TACO1: variants seen among roughly 807,000 people sequenced by gnomAD.
TACO1 encodes translational activator of cytochrome c oxidase I.
A neutral mutation model predicts 24.0 loss-of-function variants in TACO1; 13 were observed. The ratio of observed to expected loss-of-function variants is 0.54; its 90% CI spans 0.35 to 0.86. The LOEUF (loss-of-function observed/expected upper bound fraction) is 0.86, where lower values mean the gene tolerates loss of function less well. Among genes scored for constraint, TACO1 ranks in the 40% least tolerant of loss-of-function variants. The pLI is 0.01. For missense variants in TACO1, 352 were observed against 380.1 expected, an observed-to-expected ratio of 0.93 and a Z score of 0.61; for synonymous variants, 149 against 153.5, an observed-to-expected ratio of 0.97 and a Z score of 0.22.
rs199894582 is a variant in TACO1 at position 63,607,409 on chromosome 17, C to A, written c.638C>A (p.Ala213Glu). Residue 213 changes from alanine to glutamate, a missense_variant, in exon 4 of 5, where the codon GCA becomes GAA. Ala to Glu is a moderately radical substitution (Grantham distance 107). Transcript: ENST00000258975. Reference protein sequence around the residue: ...LERALEMAIEAGAEDVKETED... With the variant: ...LERALEMAIEEGAEDVKETED... Reference sequence around the variant, plus strand: ...CGTGCCCTGGAGATGGCAATCGAAGCAGGAGCTGAGGATGTCAAGGAAACT... The same window carrying A: ...CGTGCCCTGGAGATGGCAATCGAAGAAGGAGCTGAGGATGTCAAGGAAACT... 3 of 1,614,154 alleles carry A rather than the reference C, an allele frequency of 1.9e-6. No individual in the cohort carries two copies. The highest frequency in any genetic ancestry group is 2.5e-6 in the Non-Finnish European group (3 of 1,180,038).
At chr17:63,607,578 C>A in intron 4 of TACO1, 114 bp downstream of exon 4, 2 of 1,145,234 alleles carry the variant, frequency 1.7e-6, no homozygotes, top group Non-Finnish European at 1.3e-6. Flanking sequence ...TGAGACAGTT[C>A]ACATATTGTA....
intron 3 of TACO1, chr17:63,606,774 C>T: frequency 2.6e-6 from 1 of 379,278 alleles, no homozygotes. Flanking sequence ...GTCTCGAACT[C>T]CTGATCTCAG....
At chr17:63,605,752 A>G (rs2033857650) in intron 2 of TACO1, among the ~76,000 whole-genome samples, 1 of 152,164 alleles carries the variant, frequency 6.6e-6, no homozygotes. Context: ...ATTCCTGGAA[A>G]GTTGCAGGAC....
intron 4 of TACO1, 59 bp from the exon 5 acceptor site, chr17:63,607,743 G>A (rs1439408724): frequency 2.0e-6 from 3 of 1,508,798 alleles, no homozygotes; most frequent in African/African-American, 1.4e-5. Flanking sequence ...GCAAGGTCCT[G>A]TGTGGCTTTG....
intron 1 of TACO1, 41 bp downstream of exon 1, chr17:63,601,404 C>G (rs749201030): frequency 6.2e-7 from 1 of 1,603,960 alleles, no homozygotes. Flanking sequence ...TGCCGCTGCC[C>G]TCTCAGTGCC....
At chr17:63,607,571 G>C in intron 4 of TACO1, 107 bp downstream of exon 4, 1 of 1,193,306 alleles carries the variant, frequency 8.4e-7, no homozygotes, top group Non-Finnish European at 1.2e-6. Flanking sequence ...GTATAGGTGA[G>C]ACAGTTCACA....
In TACO1 at chr17:63,600,896, G is replaced by A; in HGVS notation, c.-188G>A. 2 of 619,236 alleles carry A rather than the reference G, an allele frequency of 3.2e-6. No homozygotes were observed. Among genetic ancestry groups the A allele is most frequent in the East Asian group, 2.9e-5 (1 of 34,010 alleles). The allele number at this position is 619,236 out of a possible 1,614,324, so 38.4% of individuals were successfully genotyped here. A position where few individuals can be genotyped will look rare whatever the true frequency, so the allele number is the denominator to read the frequency against. ...TGTGCTACGCCATCAAGGGCCCCCA[G>A]TCCCGGGTGCCGCGGGGACAGTGTA... On this transcript the variant is annotated 5_prime_UTR_variant, in exon 1 of 5. Transcript: ENST00000258975.
rs2033877775 is a variant in TACO1 at position 63,608,067 on chromosome 17, T to G, written c.*65T>G. 6.4e-7 allele frequency: 1 copy of G among 1,562,500 alleles called. No homozygotes were observed. The highest frequency in any genetic ancestry group is 1.1e-5 in the South Asian group (1 of 89,052). On this transcript the variant is annotated 3_prime_UTR_variant, in exon 5 of 5. Coordinates refer to ENST00000258975, the MANE Select transcript of TACO1 (RefSeq NM_016360.4). ...GGCAGCCCATTCCAGCACACAGGCTTCTGCAGCAATCTCTGAGGGTAAAGC... is the reference window on the plus strand; with the variant it reads ...GGCAGCCCATTCCAGCACACAGGCTGCTGCAGCAATCTCTGAGGGTAAAGC...
Position 63,601,290 on chromosome 17 carries a change from C to G in TACO1, c.207C>G (p.Ile69Met). 1 of 1,612,946 alleles carries G rather than the reference C, an allele frequency of 6.2e-7. No individual in the cohort carries two copies. The highest frequency in any genetic ancestry group is 8.5e-7 in the Non-Finnish European group (1 of 1,179,914). The part of the protein sequence containing the change: ...GHNKWSKVRH[I>M]KGPKDVERSR... The stretch of plus-strand genomic sequence containing the variant: ...ACAAGTGGTCCAAAGTCAGGCACAT[C>G]AAGGGTCCGAAGGACGTCGAAAGGA... The change falls in exon 1 of 5, where the codon ATC (isoleucine) becomes ATG (methionine). Residue 69 changes from isoleucine to methionine, a missense_variant. Transcript: ENST00000258975.
rs746353990 is a variant in TACO1, at chr17:63,606,419, G to A, written c.494G>A (p.Arg165Lys). Residue 165 changes from arginine (R) to lysine (K), a missense_variant, in exon 3 of 5, where the codon AGA becomes AAA. Arg to Lys is a conservative substitution (Grantham distance 26). Coordinates refer to ENST00000258975, the MANE Select transcript of TACO1 (RefSeq NM_016360.4). ...NSSHKCQADI[R>K]HILNKNGGVM... ...AGCCACAAGTGCCAAGCAGACATTA[G>A]ACATATCCTGAATAAGAATGGGTAA... 2 of 1,614,230 alleles carry A rather than the reference G, an allele frequency of 1.2e-6. No homozygotes were observed. The highest frequency in any genetic ancestry group is 2.2e-5 in the South Asian group (2 of 91,088).
In TACO1 at chr17:63,604,543, C is replaced by T. The variant is rs567918174; in HGVS notation, c.290C>T (p.Pro97Leu). The part of the protein sequence containing the change: ...NIRLAVKEGG[P>L]NPEHNSNLAN... Reference sequence around the variant, plus strand: ...TTTCTTTAAATCTCAGAAGGAGGCCCCAACCCTGAGCACAACAGCAACCTG... The same window carrying T: ...TTTCTTTAAATCTCAGAAGGAGGCCTCAACCCTGAGCACAACAGCAACCTG... Residue 97 changes from proline to leucine, a missense_variant, in exon 2 of 5, where the codon CCC (proline) becomes CTC (leucine). Coordinates refer to ENST00000258975, the MANE Select transcript of TACO1 (RefSeq NM_016360.4). 5 of 1,613,990 alleles carry T rather than the reference C, an allele frequency of 3.1e-6. 1 individual carries two copies. The South Asian group carries it at 5.5e-5, about 18-fold the overall frequency.
intron 1 of TACO1, among the ~76,000 whole-genome samples, chr17:63,604,282 G>T (rs567273874): frequency 1.3e-5 from 2 of 152,256 alleles, no homozygotes; most frequent in Admixed American, 1.3e-4. Flanking sequence ...ATGTTGCAGT[G>T]AGCCAAGATC....
rs2033861897 is a variant in TACO1, at chr17:63,606,362, C to T, written c.437C>T (p.Ser146Phe). 1 of 1,614,076 alleles carries T rather than the reference C, an allele frequency of 6.2e-7. No individual in the cohort carries two copies. The highest frequency in any genetic ancestry group is 1.3e-5 in the African/African-American group (1 of 75,034). ...LLYEGRGPGG[S>F]SLLIEALSNS... ...TATGAGGGTCGAGGCCCTGGTGGCT[C>T]TTCTCTGCTCATCGAGGCATTATCT... Residue 146 changes from serine to phenylalanine, a missense_variant, in exon 3 of 5, where the codon TCT (serine) becomes TTT (phenylalanine). Physicochemically the swap from Ser to Phe is radical, Grantham distance 155 (BLOSUM62 -2). Transcript: ENST00000258975.
Position 63,607,291 on chromosome 17 carries a change from G to A in TACO1, c.520G>A (p.Val174Met), listed in dbSNP as rs771856208. ...IRHILNKNGG[V>M]MAVGARHSFD... ...GCCTGTTTCCTTCCCTGTCAGAGGAGTGATGGCTGTAGGAGCTCGTCACTC... is the reference window on the plus strand; with the variant it reads ...GCCTGTTTCCTTCCCTGTCAGAGGAATGATGGCTGTAGGAGCTCGTCACTC... Residue 174 changes from valine (V) to methionine (M), a missense_variant, in exon 4 of 5, where the codon GTG (valine) becomes ATG (methionine). By Grantham distance (21) the Val-to-Met change is conservative. Coordinates refer to ENST00000258975, the MANE Select transcript of TACO1 (RefSeq NM_016360.4). 20 of 1,613,652 alleles carry A rather than the reference G, an allele frequency of 1.2e-5. No homozygotes were observed. In the East Asian group the frequency reaches 2.5e-4, roughly 20 times the overall value.
chr17:63,607,651 A>G, intron 4 of TACO1, 151 bp from the exon 5 acceptor site: 1 of 951,356 alleles, frequency 1.1e-6, no homozygotes, highest in Admixed American at 2.0e-5. Flanking sequence ...AGAAAGAAAG[A>G]GTCAAAACAT....
At chr17:63,607,004 A>G in intron 3 of TACO1, 1 of 508,978 alleles carries the variant, frequency 2.0e-6, no homozygotes, top group Non-Finnish European at 3.6e-6. Context: ...CCTAAGTCTT[A>G]AAATGCTCCA....
intron 1 of TACO1, 86 bp from the exon 2 acceptor site, chr17:63,604,448 G>T: frequency 6.8e-6 from 8 of 1,170,428 alleles, no homozygotes; most frequent in Non-Finnish European, 7.7e-6. Context: ...CCTTTGGCTT[G>T]GTGGGGCTGG....
intron 1 of TACO1, 114 bp from the exon 2 acceptor site, chr17:63,604,420 A>G: frequency 1.2e-6 from 1 of 847,406 alleles, no homozygotes; most frequent in Non-Finnish European, 2.0e-6. Flanking sequence ...ACTGAGAGCT[A>G]AATGGTGATT....
intron 1 of TACO1, among the ~76,000 whole-genome samples, chr17:63,601,680 CAG>C (rs1207576230): frequency 6.6e-6 from 1 of 152,198 alleles, no homozygotes; most frequent in Non-Finnish European, 1.5e-5. Context: ...CCCTAAGAGT[CAG>C]GGCAGATGTG....
Sources: allele counts gnomAD v4.1 joint callset (sites outside exome capture counted in the v4.1 genomes callset), GRCh38; gene constraint gnomAD v4.1.1; transcripts MANE v1.5; gene names NCBI Gene and HGNC (gene_info 2026-07-23, HGNC 2026-07-21).